Variants in CSGALNACT2 observed in about 807,000 individuals in gnomAD.
CSGALNACT2 encodes chondroitin sulfate N-acetylgalactosaminyltransferase 2.
A neutral mutation model predicts 55.3 loss-of-function variants in CSGALNACT2; 35 were observed. The observed-to-expected ratio is 0.63, with a 90% confidence interval of 0.48 to 0.84. The LOEUF (loss-of-function observed/expected upper bound fraction) is 0.84, where lower values mean the gene tolerates loss of function less well. CSGALNACT2 is among the 40% of genes least tolerant of loss of function. The pLI, the probability that CSGALNACT2 is intolerant of heterozygous loss-of-function variation, is 0.00. For synonymous variants in CSGALNACT2, 196 were observed against 224.9 expected, an observed-to-expected ratio of 0.87 and a Z score of 1.15; for missense variants, 544 against 657.5, an observed-to-expected ratio of 0.83 and a Z score of 1.89.
At chr10:43,163,470 C>T (rs1042990225) in intron 4 of CSGALNACT2, 6 of 967,136 alleles carry the variant, frequency 6.2e-6, no homozygotes, top group East Asian at 2.3e-4. Context: ...TCTGATAAGG[C>T]GACATGTGTG....
At chr10:43,176,121 C>A in intron 7 of CSGALNACT2, 89 bp downstream of exon 7, 1 of 1,042,226 alleles carries the variant, frequency 9.6e-7, no homozygotes, top group Non-Finnish European at 1.4e-6. Flanking sequence ...GAGTGTTTTC[C>A]TACTAAAGTA....
chr10:43,161,744 G>T (rs181985187), intron 4 of CSGALNACT2, among the ~76,000 whole-genome samples: 1 of 152,300 alleles, frequency 6.6e-6, no homozygotes, highest in Admixed American at 6.5e-5. Context: ...ACTTCTGAGA[G>T]CCACAGTCTT....
chr10:43,150,395 T>C (rs913985398), intron 1 of CSGALNACT2, among the ~76,000 whole-genome samples: 1 of 152,232 alleles, frequency 6.6e-6, no homozygotes, highest in Non-Finnish European at 1.5e-5. Context: ...TTCCTCTGCC[T>C]AAAAGACTTA....
chr10:43,143,900 C>T (rs1238200629), intron 1 of CSGALNACT2, among the ~76,000 whole-genome samples: 2 of 152,160 alleles, frequency 1.3e-5, no homozygotes, highest in East Asian at 1.9e-4. Context: ...TTACAGACCA[C>T]TTATTCAATA....
intron 6 of CSGALNACT2, among the ~76,000 whole-genome samples, chr10:43,173,809 A>G (rs1192653669): frequency 6.6e-6 from 1 of 152,122 alleles, no homozygotes; most frequent in African/African-American, 2.4e-5. Flanking sequence ...CCTGGCCAAC[A>G]TGGTGAAACC....
rs1179183951 is a variant in CSGALNACT2 at position 43,184,566 on chromosome 10, T to C, written c.*1024T>C. 1 of 152,182 alleles carries C rather than the reference T, an allele frequency of 6.6e-6. No individual in the cohort carries two copies. The highest frequency in any genetic ancestry group is 2.1e-4 in the South Asian group (1 of 4,830). The allele number at this position is 152,182 out of a possible 1,614,324, so 9.4% of individuals were successfully genotyped here. ...TTTCATTGTGGAGAGAAAAAGCAAA[T>C]GGTATGCCACAAGATCACTCTGATT... On this transcript the variant is annotated 3_prime_UTR_variant, in exon 8 of 8. Coordinates refer to ENST00000374466, the MANE Select transcript of CSGALNACT2 (RefSeq NM_018590.5).
intron 1 of CSGALNACT2, among the ~76,000 whole-genome samples, chr10:43,143,180 CTG>C (rs1464433902): frequency 1.3e-5 from 2 of 152,130 alleles, no homozygotes; most frequent in East Asian, 3.8e-4. Flanking sequence ...ACAAGACAAA[CTG>C]AGAAAAAATA....
intron 6 of CSGALNACT2, among the ~76,000 whole-genome samples, chr10:43,169,127 A>G (rs557799002): frequency 1.3e-4 from 20 of 152,168 alleles, no homozygotes; most frequent in African/African-American, 3.6e-4. Flanking sequence ...CGGGGTGGCT[A>G]GGGAGCCCCT....
In CSGALNACT2 at chr10:43,183,563, T is replaced by C. The variant is rs777975706; in HGVS notation, c.*21T>C. On this transcript the variant is annotated 3_prime_UTR_variant, in exon 8 of 8. Transcript: ENST00000374466. Reference sequence around the variant, plus strand: ...GTTGAAATCATAATTAATGCGTTACTGTATGAACCACAAAACAGCACTATT... The same window carrying C: ...GTTGAAATCATAATTAATGCGTTACCGTATGAACCACAAAACAGCACTATT... 1 of 1,601,274 alleles carries C rather than the reference T, an allele frequency of 6.2e-7. No homozygotes were observed. The highest frequency in any genetic ancestry group is 1.1e-5 in the South Asian group (1 of 90,780).
chr10:43,174,699 A>G (rs1159153723), intron 6 of CSGALNACT2, among the ~76,000 whole-genome samples: 2 of 152,116 alleles, frequency 1.3e-5, no homozygotes, highest in African/African-American at 4.8e-5. Context: ...CACACACTAG[A>G]CTAGCAGCTT....
intron 1 of CSGALNACT2, among the ~76,000 whole-genome samples, chr10:43,143,091 A>G (rs1838665322): frequency 6.6e-6 from 1 of 152,214 alleles, no homozygotes; most frequent in South Asian, 2.1e-4. Context: ...TATATTATGG[A>G]ATTTGTCTGT....
intron 1 of CSGALNACT2, among the ~76,000 whole-genome samples, chr10:43,153,978 C>T (rs1311802341): frequency 6.6e-6 from 1 of 152,108 alleles, no homozygotes; most frequent in Non-Finnish European, 1.5e-5. Flanking sequence ...ATCTAATGTG[C>T]AAATAATCTA....
At chr10:43,140,411 A>T (rs1838596065) in intron 1 of CSGALNACT2, among the ~76,000 whole-genome samples, 1 of 152,246 alleles carries the variant, frequency 6.6e-6, no homozygotes, top group African/African-American at 2.4e-5. Context: ...CTAATATAAC[A>T]TTCAAGGTTG....
intron 2 of CSGALNACT2, 152 bp downstream of exon 2, chr10:43,155,962 TATTA>T: frequency 1.3e-6 from 1 of 768,360 alleles, no homozygotes; most frequent in Non-Finnish European, 2.0e-6. Context: ...TTATCCACAG[TATTA>T]AAACACTGAA....
Position 43,155,593 on chromosome 10 carries a change from T to C in CSGALNACT2, c.444T>C (p.Phe148=), listed in dbSNP as rs1838987159. The change falls in exon 2 of 8, where the codon TTT becomes TTC. Residue 148 remains phenylalanine (F), a synonymous_variant. Coordinates refer to ENST00000374466, the MANE Select transcript of CSGALNACT2 (RefSeq NM_018590.5). ...CCAGTGAGTATGGGGTCATTCCCTT[T>C]GAAAGTTTTACCTTAATGAAAGTAT... ...KLPSEYGVIP[F]ESFTLMKVFQ... 1.2e-6 allele frequency: 2 copies of C among 1,614,202 alleles called. No homozygotes were observed. The highest frequency in any genetic ancestry group is 1.7e-6 in the Non-Finnish European group (2 of 1,180,034).
At chr10:43,163,816 T>A in intron 4 of CSGALNACT2, 50 bp from the exon 5 acceptor site, 1 of 1,537,916 alleles carries the variant, frequency 6.5e-7, no homozygotes, top group South Asian at 1.2e-5. Flanking sequence ...GGAAGAAAAT[T>A]GGTAACTTTA....
At chr10:43,139,243 T>C (rs1384626872) in intron 1 of CSGALNACT2, among the ~76,000 whole-genome samples, 1 of 152,202 alleles carries the variant, frequency 6.6e-6, no homozygotes, top group Non-Finnish European at 1.5e-5. Flanking sequence ...GGCCTTCATG[T>C]CTGGTAATTA....
chr10:43,164,292 G>A (rs1839213548), intron 5 of CSGALNACT2, among the ~76,000 whole-genome samples: 1 of 152,222 alleles, frequency 6.6e-6, no homozygotes, highest in Admixed American at 6.5e-5. Flanking sequence ...ATATGGAAAT[G>A]CAGAGGAACA....
At chr10:43,164,850 A>G (rs1203798780) in intron 5 of CSGALNACT2, among the ~76,000 whole-genome samples, 1 of 151,850 alleles carries the variant, frequency 6.6e-6, no homozygotes, top group Non-Finnish European at 1.5e-5. Context: ...CATCTCAAAA[A>G]AAAAAAAAAA....
Sources: allele counts gnomAD v4.1 joint callset (sites outside exome capture counted in the v4.1 genomes callset), GRCh38; gene constraint gnomAD v4.1.1; transcripts MANE v1.5; gene names NCBI Gene and HGNC (gene_info 2026-07-23, HGNC 2026-07-21).